XKR6: variants seen among roughly 807,000 people sequenced by gnomAD.
The protein encoded by XKR6 is XK-related protein 6.
In XKR6, 22 loss-of-function variants were observed where a neutral mutation model predicts 56.7. The observed-to-expected ratio is 0.39, with a 90% confidence interval of 0.28 to 0.55. XKR6 has a LOEUF of 0.55. Among genes scored for constraint, XKR6 ranks in the 20% least tolerant of loss-of-function variants. The probability of loss-of-function intolerance (pLI) is 0.66; values close to 1 mark genes in which losing one functional copy is unlikely to be tolerated. For synonymous variants in XKR6, 524 were observed against 387.8 expected (o/e 1.35, Z -4.13); for missense variants, 852 against 889.0 (o/e 0.96, Z 0.53).
In XKR6 at chr8:10,946,549, C is replaced by G. The variant is rs148537834; in HGVS notation, c.765-21719G>C. On this transcript the variant is annotated intron_variant, in intron 1 of 2. Transcript: ENST00000416569. The stretch of plus-strand genomic sequence containing the variant: ...CTCCCACCCCTGGGGGTGGCGTGTC[C>G]TGCGGTTTTCCCTCCCCACGGGCTA... Among the ~76,000 whole-genome samples, 36 of 152,076 alleles carry G rather than the reference C, an allele frequency of 2.4e-4. 1 individual carries two copies. The highest frequency in any genetic ancestry group is 2.1e-3 in the Admixed American group (32 of 15,274).
chr8:11,177,169 C>T (rs1048962064), intron 1 of XKR6, among the ~76,000 whole-genome samples: 3 of 152,226 alleles, frequency 2.0e-5, no homozygotes, highest in African/African-American at 4.8e-5. Flanking sequence ...CACACTTCTA[C>T]GGGCTTTGGC....
rs77922007 is a variant in XKR6, at chr8:11,183,834, T to A, written c.764+16742A>T. Among the ~76,000 whole-genome samples the A allele has an allele frequency of 2.3e-3, 353 of 152,282 alleles. 9 individuals are homozygous for A. In the East Asian group the frequency reaches 0.054, roughly 23 times the overall value. On this transcript the variant is annotated intron_variant, in intron 1 of 2. Coordinates refer to ENST00000416569, the MANE Select transcript of XKR6 (RefSeq NM_173683.4). ...AGCGGAAAGGCTCAGGAATAAGGGTTTAAACACAGCATAAGGGTTATAACA... is the reference window on the plus strand; with the variant it reads ...AGCGGAAAGGCTCAGGAATAAGGGTATAAACACAGCATAAGGGTTATAACA...
intron 1 of XKR6, among the ~76,000 whole-genome samples, chr8:11,034,193 G>C (rs111557394): frequency 1.2e-4 from 19 of 152,222 alleles, no homozygotes; most frequent in Non-Finnish European, 2.6e-4. Context: ...GGGGAAGAGA[G>C]AGAAGCTGAG....
chr8:10,997,828 C>T (rs1798149036), intron 1 of XKR6, among the ~76,000 whole-genome samples: 1 of 152,170 alleles, frequency 6.6e-6, no homozygotes, highest in Non-Finnish European at 1.5e-5. Context: ...GCAGCGCTGC[C>T]TGGAACTGTG....
chr8:11,175,710 A>G (rs1273193157), intron 1 of XKR6: 1 of 152,252 alleles, frequency 6.6e-6, no homozygotes, highest in African/African-American at 2.4e-5. Flanking sequence ...TAATTACTTC[A>G]TTCTGAAGGC....
intron 1 of XKR6, among the ~76,000 whole-genome samples, chr8:10,939,014 A>G (rs1315368406): frequency 6.6e-6 from 1 of 152,156 alleles, no homozygotes; most frequent in East Asian, 1.9e-4. Flanking sequence ...CAAGAAATCC[A>G]TCTGTCCCCG....
chr8:11,138,236 T>G (rs1800506015), intron 1 of XKR6: 1 of 153,662 alleles, frequency 6.5e-6, no homozygotes. Context: ...ACATGTGTGG[T>G]GTCTCATGTT....
chr8:10,938,237 C>T (rs966537837), intron 1 of XKR6, among the ~76,000 whole-genome samples: 5 of 152,328 alleles, frequency 3.3e-5, no homozygotes, highest in South Asian at 2.1e-4. Context: ...CCAGGTGAGA[C>T]AATGCCTCGC....
chr8:11,021,551 C>G (rs1455275665), intron 1 of XKR6, among the ~76,000 whole-genome samples: 1 of 152,166 alleles, frequency 6.6e-6, no homozygotes, highest in Non-Finnish European at 1.5e-5. Context: ...TTGTCCCTTT[C>G]AAGCAGAAAA....
At chr8:11,196,690 G>T (rs1200375514) in intron 1 of XKR6, among the ~76,000 whole-genome samples, 1 of 152,232 alleles carries the variant, frequency 6.6e-6, no homozygotes, top group Non-Finnish European at 1.5e-5. Flanking sequence ...CAAGCGTGGG[G>T]TTCCCACGTG....
chr8:10,927,190 C>A (rs531723888), intron 1 of XKR6, among the ~76,000 whole-genome samples: 32 of 152,160 alleles, frequency 2.1e-4, no homozygotes, highest in Non-Finnish European at 4.1e-4. Flanking sequence ...GGCTGATCAA[C>A]CGTGATGGCA....
chr8:11,021,177 C>G (rs1441155392), intron 1 of XKR6, among the ~76,000 whole-genome samples: 1 of 152,194 alleles, frequency 6.6e-6, no homozygotes, highest in Non-Finnish European at 1.5e-5. Flanking sequence ...ACCAGAAACT[C>G]TGTGTCCTAA....
chr8:11,041,668 T>G (rs73541293), intron 1 of XKR6, among the ~76,000 whole-genome samples: 3,331 of 151,908 alleles, frequency 0.022, 104 homozygotes, highest in African/African-American at 0.069. Flanking sequence ...GGGTTGTGGG[T>G]CATCTTAGGT....
intron 1 of XKR6, chr8:11,112,023 C>T (rs1024634140): frequency 2.6e-5 from 4 of 152,190 alleles, no homozygotes; most frequent in Admixed American, 2.0e-4. Context: ...ATTATAAGCT[C>T]TTAAGTCTAA....
At chr8:10,939,504 C>A (rs1268328746) in intron 1 of XKR6, among the ~76,000 whole-genome samples, 2 of 152,214 alleles carry the variant, frequency 1.3e-5, no homozygotes, top group African/African-American at 4.8e-5. Flanking sequence ...AGAGGGGTGA[C>A]CTCACTGCCT....
intron 1 of XKR6, chr8:11,111,816 G>A (rs984888783): frequency 1.3e-5 from 2 of 151,634 alleles, no homozygotes; most frequent in African/African-American, 4.9e-5. Flanking sequence ...AATTTCCAGA[G>A]TTCCTAAATA....
intron 1 of XKR6, among the ~76,000 whole-genome samples, chr8:11,085,284 C>T (rs757016455): frequency 3.3e-5 from 5 of 152,162 alleles, no homozygotes; most frequent in East Asian, 1.9e-4. Flanking sequence ...TGGCAACAGG[C>T]GAAGCACGTG....
intron 1 of XKR6, among the ~76,000 whole-genome samples, chr8:11,151,093 C>T (rs191921602): frequency 6.6e-6 from 1 of 152,186 alleles, no homozygotes; most frequent in East Asian, 1.9e-4. Flanking sequence ...TTAAAATGTG[C>T]CCCTTTTACC....
intron 1 of XKR6, among the ~76,000 whole-genome samples, chr8:11,172,246 T>C (rs1192211213): frequency 6.6e-6 from 1 of 152,056 alleles, no homozygotes; most frequent in African/African-American, 2.4e-5. Context: ...TGTGCACGCC[T>C]GTAATCCCAG....
Sources: gnomAD v4.1 joint callset for allele counts (sites outside exome capture counted in the v4.1 genomes callset) on GRCh38, gnomAD v4.1.1 for gene constraint, MANE v1.5 for transcripts, NCBI Gene and HGNC (gene_info 2026-07-23, HGNC 2026-07-21) for gene names.